RSRC1: variants seen among roughly 807,000 people sequenced by gnomAD.
The protein encoded by RSRC1 is arginine and serine rich coiled-coil 1, also known as serine/Arginine-related protein 53.
A neutral mutation model predicts 49.1 loss-of-function variants in RSRC1; 39 were observed. The ratio of observed to expected loss-of-function variants is 0.79; its 90% confidence interval spans 0.61 to 1.04. The LOEUF is 1.04. RSRC1 is among the 50% of genes least tolerant of loss of function. The pLI is 0.00. For synonymous variants in RSRC1, 143 were observed against 130.8 expected (o/e 1.09, Z -0.63); for missense variants, 388 against 402.4 (o/e 0.96, Z 0.31).
chr3:158,225,840 C>T (rs1722501836), intron 4 of RSRC1: 2 of 299,980 alleles, frequency 6.7e-6, no homozygotes, highest in African/African-American at 2.2e-5. Flanking sequence ...CAGAGTCCAA[C>T]CTGGAAGGTG....
At chr3:158,479,856 G>C (rs936417212) in intron 7 of RSRC1, among the ~76,000 whole-genome samples, 2 of 152,002 alleles carry the variant, frequency 1.3e-5, no homozygotes, top group African/African-American at 4.8e-5. Flanking sequence ...TGAGGCAATA[G>C]ATATCAAATA....
chr3:158,350,179 A>ATTT (rs544000982), intron 5 of RSRC1, among the ~76,000 whole-genome samples: 8,833 of 126,466 alleles, frequency 0.07, 415 homozygotes, highest in South Asian at 0.13. Context: ...TATATATATA[A>ATTT]TTTTTTTTTT....
chr3:158,453,248 C>T (rs575036727), intron 6 of RSRC1, among the ~76,000 whole-genome samples: 10 of 151,690 alleles, frequency 6.6e-5, no homozygotes, highest in Non-Finnish European at 1.5e-4. Flanking sequence ...CATTTTCAAA[C>T]TCTTGTGCAC....
intron 6 of RSRC1, among the ~76,000 whole-genome samples, chr3:158,372,827 G>A (rs1560015006): frequency 6.6e-6 from 1 of 151,674 alleles, no homozygotes; most frequent in African/African-American, 2.4e-5. Context: ...TTGAATCCAC[G>A]GACATGGTAT....
At chr3:158,122,653 A>G (rs1017803206) in intron 2 of RSRC1, among the ~76,000 whole-genome samples, 3 of 152,186 alleles carry the variant, frequency 2.0e-5, no homozygotes, top group East Asian at 3.9e-4. Context: ...ATATGTATAC[A>G]TGTGCCATGT....
intron 7 of RSRC1, among the ~76,000 whole-genome samples, chr3:158,530,438 C>T (rs1321905526): frequency 6.6e-6 from 1 of 151,924 alleles, no homozygotes; most frequent in Non-Finnish European, 1.5e-5. Context: ...TTCTAGCCCT[C>T]TAGCCTGCTC....
At chr3:158,365,633 A>C (rs1578391740) in intron 6 of RSRC1, among the ~76,000 whole-genome samples, 1 of 152,060 alleles carries the variant, frequency 6.6e-6, no homozygotes. Context: ...TTTATAGGAG[A>C]ATGATTTTTA....
At chr3:158,136,795 A>G (rs1371507826) in intron 3 of RSRC1, 1 of 152,098 alleles carries the variant, frequency 6.6e-6, no homozygotes, top group Non-Finnish European at 1.5e-5. Context: ...AAACGAGAAA[A>G]TTGTGGACGA....
intron 4 of RSRC1, among the ~76,000 whole-genome samples, chr3:158,225,213 G>A (rs1578214045): frequency 1.3e-5 from 2 of 151,784 alleles, no homozygotes; most frequent in South Asian, 4.1e-4. Context: ...GAGGTTAAGT[G>A]ATACATTTTT....
At chr3:158,336,251 G>A (rs547703167) in intron 5 of RSRC1, among the ~76,000 whole-genome samples, 4 of 152,208 alleles carry the variant, frequency 2.6e-5, no homozygotes, top group Admixed American at 6.5e-5. Context: ...TCATTGGTCC[G>A]GCCCCTGGCT....
intron 3 of RSRC1, among the ~76,000 whole-genome samples, chr3:158,184,816 A>G (rs1578174467): frequency 6.6e-6 from 1 of 152,108 alleles, no homozygotes; most frequent in South Asian, 2.1e-4. Context: ...AAAATTTGCT[A>G]TAATTAAGAG....
At chr3:158,318,905 C>G (rs1253808285) in intron 5 of RSRC1, among the ~76,000 whole-genome samples, 1 of 152,098 alleles carries the variant, frequency 6.6e-6, no homozygotes. Context: ...TCCTAGGACA[C>G]ATAAATAAGA....
At chr3:158,318,060 G>A (rs948633764) in intron 5 of RSRC1, among the ~76,000 whole-genome samples, 4 of 151,822 alleles carry the variant, frequency 2.6e-5, no homozygotes, top group Non-Finnish European at 4.4e-5. Flanking sequence ...TGTTTTTGGC[G>A]ATTTTTAAAA....
intron 3 of RSRC1, among the ~76,000 whole-genome samples, chr3:158,149,875 T>C (rs1717417239): frequency 6.6e-6 from 1 of 152,082 alleles, no homozygotes; most frequent in African/African-American, 2.4e-5. Flanking sequence ...CTCAACTGAG[T>C]GACAGCATAA....
chr3:158,291,806 T>C (rs1381849492), intron 4 of RSRC1, among the ~76,000 whole-genome samples: 1 of 152,218 alleles, frequency 6.6e-6, no homozygotes, highest in Non-Finnish European at 1.5e-5. Flanking sequence ...TGTTCTTCTG[T>C]TTTAAGAAAA....
intron 4 of RSRC1, among the ~76,000 whole-genome samples, chr3:158,209,126 T>C (rs891121317): frequency 6.6e-6 from 1 of 152,146 alleles, no homozygotes; most frequent in Non-Finnish European, 1.5e-5. Context: ...TTTCAGGCAG[T>C]TGTTGCCTAC....
At chr3:158,177,389 A>T (rs1003732536) in intron 3 of RSRC1, among the ~76,000 whole-genome samples, 1 of 152,184 alleles carries the variant, frequency 6.6e-6, no homozygotes, top group Non-Finnish European at 1.5e-5. Context: ...CTTGGAACCA[A>T]CCCAAATGCC....
At chr3:158,168,440 T>C (rs144428068) in intron 3 of RSRC1, among the ~76,000 whole-genome samples, 438 of 152,356 alleles carry the variant, frequency 2.9e-3, no homozygotes, top group African/African-American at 0.01. Context: ...TGATGTCACA[T>C]TGAAGCATAC....
At chr3:158,383,545 T>C (rs1421570146) in intron 6 of RSRC1, among the ~76,000 whole-genome samples, 2 of 152,112 alleles carry the variant, frequency 1.3e-5, no homozygotes, top group African/African-American at 4.8e-5. Flanking sequence ...AATCATGAAG[T>C]TGCAAAAGTA....
Sources: gnomAD v4.1 joint callset for allele counts (sites outside exome capture counted in the v4.1 genomes callset) on GRCh38, gnomAD v4.1.1 for gene constraint, MANE v1.5 for transcripts, NCBI Gene and HGNC (gene_info 2026-07-23, HGNC 2026-07-21) for gene names.